SORL1: variants seen among roughly 807,000 people sequenced by gnomAD.
SORL1 encodes the protein sortilin related receptor 1.
In SORL1, 127 loss-of-function variants were observed where a neutral mutation model predicts 273.7. That is an observed-to-expected ratio of 0.46 (90% CI 0.40 to 0.54). The LOEUF (loss-of-function observed/expected upper bound fraction) is 0.54, where lower values mean the gene tolerates loss of function less well. Among genes scored for constraint, SORL1 ranks in the 20% least tolerant of loss-of-function variants. SORL1 has a pLI of 0.00. For missense variants in SORL1, 2,494 were observed against 2,846.1 expected (o/e 0.88, Z 2.81); for synonymous variants, 1,031 against 1,067.4 (o/e 0.97, Z 0.66).
At chr11:121,607,977 A>ACT (rs770332708) in intron 37 of SORL1, 127 bp from the exon 38 acceptor site, 3 of 727,986 alleles carry the variant, frequency 4.1e-6, no homozygotes, top group African/African-American at 1.8e-5. Context: ...ATTCTGGATC[A>ACT]CTCTGTATAA....
chr11:121,601,764 A>G (rs1423058778), intron 32 of SORL1, among the ~76,000 whole-genome samples: 3 of 151,982 alleles, frequency 2.0e-5, no homozygotes, highest in Admixed American at 1.3e-4. Flanking sequence ...AAATTTTGAG[A>G]CATACTTTAT....
Position 121,452,421 on chromosome 11 carries a change from C to G in SORL1, c.90C>G (p.Val30=), listed in dbSNP as rs559316306. ...TGCCGCCCGGAGCTCTCTGCGAAGT[C>G]TGGACGCAGAGGCTGCACGGCGGCA... ...ALLPPGALCE[V]WTQRLHGGSA... is the part of the protein sequence containing the mutation. The change falls in exon 1 of 48, where the codon GTC becomes GTG. Residue 30 remains valine (V), a synonymous_variant. Transcript: ENST00000260197. The surrounding 1 kb of genome is among the most constrained non-coding windows in gnomAD (Gnocchi z 5.3). 3 of 1,519,194 alleles carry G rather than the reference C, an allele frequency of 2.0e-6. No individual in the cohort carries two copies. The African/African-American group carries it at 4.3e-5, about 22-fold the overall frequency. 94.1% of individuals were successfully genotyped at this position (1,519,194 alleles called of 1,614,324 possible).
intron 27 of SORL1, 59 bp downstream of exon 27, chr11:121,586,388 G>A (rs977965834): frequency 1.0e-5 from 13 of 1,260,860 alleles, no homozygotes; most frequent in Admixed American, 3.4e-5. Flanking sequence ...AGTGAAGAGC[G>A]TATATTGGAC....
rs776888641 is a variant in SORL1 at position 121,607,779 on chromosome 11, G to A, written c.5167-325G>A. The stretch of plus-strand genomic sequence containing the variant: ...TCATGACTCTCACACTGATAATTTT[G>A]TCAGTACCCTTTTTGTATATGTGTG... On this transcript the variant is annotated intron_variant, in intron 37 of 47. Coordinates refer to ENST00000260197, the MANE Select transcript of SORL1 (RefSeq NM_003105.6). Among the ~76,000 whole-genome samples the A allele has an allele frequency of 2.3e-4, 35 of 152,230 alleles. No homozygotes were observed. In the Middle Eastern group the frequency reaches 0.017, roughly 74 times the overall value.
At chr11:121,509,756 T>A (rs1205115949) in intron 6 of SORL1, among the ~76,000 whole-genome samples, 2 of 152,220 alleles carry the variant, frequency 1.3e-5, no homozygotes, top group African/African-American at 4.8e-5. Flanking sequence ...ATTACAGGTA[T>A]GAGCCACTGC....
At chr11:121,455,540 C>A (rs139434823) in intron 1 of SORL1, among the ~76,000 whole-genome samples, 1 of 152,228 alleles carries the variant, frequency 6.6e-6, no homozygotes, top group Non-Finnish European at 1.5e-5. Flanking sequence ...TTTTCCTCTG[C>A]TTCGCTAATG....
intron 5 of SORL1, among the ~76,000 whole-genome samples, chr11:121,492,588 T>C (rs946896960): frequency 6.6e-6 from 1 of 152,194 alleles, no homozygotes; most frequent in Non-Finnish European, 1.5e-5. Flanking sequence ...GTAAGTTTTG[T>C]GCACTGATAT....
Position 121,558,584 on chromosome 11 carries a change from T to C in SORL1, c.2664-7T>C. The C allele has an allele frequency of 6.2e-7, 1 of 1,614,092 alleles. No homozygotes were observed. The highest frequency in any genetic ancestry group is 8.5e-7 in the Non-Finnish European group (1 of 1,179,984). On this transcript the variant is annotated splice_polypyrimidine_tract_variant and splice_region_variant and intron_variant, in intron 19 of 47. Coordinates refer to ENST00000260197, the MANE Select transcript of SORL1 (RefSeq NM_003105.6). Reference sequence around the variant, plus strand: ...TGAGGTATGTGTTCTGTCCCCATTTTCGCTAGGGTGATGTTCTGGACAGAC... The same window carrying C: ...TGAGGTATGTGTTCTGTCCCCATTTCCGCTAGGGTGATGTTCTGGACAGAC...
rs1863453852 is a variant in SORL1, at chr11:121,605,389, T to C, written c.4779-13T>C. 1.2e-6 allele frequency: 2 copies of C among 1,604,014 alleles called. No homozygotes were observed. The highest frequency in any genetic ancestry group is 1.3e-5 in the African/African-American group (1 of 74,664). ...CTCCAGTGTGACAATATCTTTATTT[T>C]TTTTTGGGCCAGGGTGGTTGGAGAG... is the stretch of plus-strand genomic sequence containing the variant. On this transcript the variant is annotated splice_polypyrimidine_tract_variant and intron_variant, in intron 34 of 47. Coordinates refer to ENST00000260197, the MANE Select transcript of SORL1 (RefSeq NM_003105.6).
chr11:121,568,711 G>A (rs1862789548), intron 22 of SORL1, among the ~76,000 whole-genome samples: 1 of 152,182 alleles, frequency 6.6e-6, no homozygotes, highest in South Asian at 2.1e-4. Context: ...CCATTAAGGA[G>A]TTCTGTGTGT....
At chr11:121,539,516 T>A (rs1279978814) in intron 12 of SORL1, among the ~76,000 whole-genome samples, 3 of 152,228 alleles carry the variant, frequency 2.0e-5, no homozygotes, top group African/African-American at 7.2e-5. Flanking sequence ...TCCTTAGAAT[T>A]TATTTTGTAC....
At chr11:121,456,244 GTGGGAAGAGT>G (rs1438389138) in intron 1 of SORL1, among the ~76,000 whole-genome samples, 31 of 152,244 alleles carry the variant, frequency 2.0e-4, no homozygotes, top group African/African-American at 7.2e-4. Flanking sequence ...TCAGGCTATG[GTGGGAAGAGT>G]TTCTTCTGAG....
intron 33 of SORL1, among the ~76,000 whole-genome samples, chr11:121,604,685 G>A (rs1863442779): frequency 6.6e-6 from 1 of 152,110 alleles, no homozygotes. Context: ...ATGGTCCTTG[G>A]ACTTGTAGCA....
chr11:121,468,868 A>G (rs1458669375), intron 1 of SORL1, among the ~76,000 whole-genome samples: 1 of 152,260 alleles, frequency 6.6e-6, no homozygotes, highest in African/African-American at 2.4e-5. Context: ...GTAGTTTTCC[A>G]TACAGTGAAA....
At chr11:121,482,216 C>T (rs1317172182) in intron 3 of SORL1, among the ~76,000 whole-genome samples, 1 of 152,032 alleles carries the variant, frequency 6.6e-6, no homozygotes, top group Non-Finnish European at 1.5e-5. Flanking sequence ...GAGCAGGGGC[C>T]GTGGTGTTTG....
chr11:121,619,636 G>A, intron 42 of SORL1, 117 bp from the exon 43 acceptor site: 1 of 871,192 alleles, frequency 1.1e-6, no homozygotes, highest in Non-Finnish European at 1.8e-6. Context: ...ATATTTTATG[G>A]TTTTTTGTAC....
chr11:121,476,912 T>C (rs1463588026), intron 2 of SORL1, among the ~76,000 whole-genome samples: 1 of 151,722 alleles, frequency 6.6e-6, no homozygotes, highest in Non-Finnish European at 1.5e-5. Context: ...ACACCTCAGC[T>C]TCCCAACTAA....
Position 121,558,819 on chromosome 11 carries a change from T to C in SORL1, c.2892T>C (p.Tyr964=), listed in dbSNP as rs776030044. 1 of 1,614,158 alleles carries C rather than the reference T, an allele frequency of 6.2e-7. No homozygotes were observed. The highest frequency in any genetic ancestry group is 8.5e-7 in the Non-Finnish European group (1 of 1,180,026). Reference sequence around the variant, plus strand: ...TTCTGGACAACCTCCCGCACCCCTATGCCATTGCTGTCTTTAAGGTGAGTC... The same window carrying C: ...TTCTGGACAACCTCCCGCACCCCTACGCCATTGCTGTCTTTAAGGTGAGTC... ...SVILDNLPHP[Y]AIAVFKNEIY... The change falls in exon 20 of 48, where the codon TAT becomes TAC. Residue 964 remains tyrosine, a synonymous_variant. Coordinates refer to ENST00000260197, the MANE Select transcript of SORL1 (RefSeq NM_003105.6).
intron 4 of SORL1, 82 bp downstream of exon 4, chr11:121,488,275 G>T: frequency 1.4e-6 from 2 of 1,381,398 alleles, no homozygotes; most frequent in South Asian, 1.3e-5. Flanking sequence ...TCCTTTGAGT[G>T]ACCTCGCCTC....
Sources: gnomAD v4.1 joint callset for allele counts (sites outside exome capture counted in the v4.1 genomes callset) on GRCh38, gnomAD v4.1.1 for gene constraint, Gnocchi (gnomAD v3.1) non-coding constraint, MANE v1.5 for transcripts, NCBI Gene and HGNC (gene_info 2026-07-23, HGNC 2026-07-21) for gene names.